Variants in SLC2A9 observed in about 807,000 individuals in gnomAD.
The protein encoded by SLC2A9 is solute carrier family 2 member 9.
SLC2A9 carries 39 observed loss-of-function variants against 50.6 expected under a neutral mutation model. That is an observed-to-expected ratio of 0.77 (90% confidence interval 0.60 to 1.01). The LOEUF (loss-of-function observed/expected upper bound fraction) is 1.01. SLC2A9 is among the 50% of genes least tolerant of loss of function. SLC2A9 has a pLI of 0.00. For missense variants in SLC2A9, 686 were observed against 677.6 expected (o/e 1.01, Z -0.14); for synonymous variants, 324 against 276.9 (o/e 1.17, Z -1.69).
intron 3 of SLC2A9, among the ~76,000 whole-genome samples, chr4:9,988,981 T>C (rs1371660939): frequency 6.6e-6 from 1 of 152,234 alleles, no homozygotes; most frequent in African/African-American, 2.4e-5. Context: ...GTACTTTTCA[T>C]TAAACCCTAG....
intron 10 of SLC2A9, among the ~76,000 whole-genome samples, chr4:9,867,279 C>G (rs367719677): frequency 6.6e-6 from 1 of 152,144 alleles, no homozygotes; most frequent in Non-Finnish European, 1.5e-5. Flanking sequence ...AGAAAGTAGA[C>G]GCAGTGTTTC....
intron 3 of SLC2A9, among the ~76,000 whole-genome samples, chr4:9,995,099 G>C (rs1229576016): frequency 1.3e-5 from 2 of 152,144 alleles, no homozygotes; most frequent in East Asian, 1.9e-4. Flanking sequence ...CTCAGCCACA[G>C]TGCAAGCTAG....
At chr4:9,949,288 G>A (rs115272825) in intron 5 of SLC2A9, among the ~76,000 whole-genome samples, 2,689 of 152,256 alleles carry the variant, frequency 0.018, 70 homozygotes, top group African/African-American at 0.06. Context: ...TTTACTGAAT[G>A]CATGTTGGGG....
intron 5 of SLC2A9, among the ~76,000 whole-genome samples, chr4:9,958,588 T>C (rs1161920083): frequency 1.3e-5 from 2 of 152,200 alleles, no homozygotes; most frequent in African/African-American, 4.8e-5. Flanking sequence ...CATGTATACC[T>C]ATGTAACAAA....
intron 1 of SLC2A9, among the ~76,000 whole-genome samples, chr4:9,773,026 G>T (rs1373927580): frequency 1.3e-5 from 2 of 152,150 alleles, no homozygotes; most frequent in African/African-American, 4.8e-5. Context: ...ATGAACCCAG[G>T]ACTGTCTCGT....
chr4:9,858,993 G>C (rs1242797575), intron 10 of SLC2A9, among the ~76,000 whole-genome samples: 1 of 152,178 alleles, frequency 6.6e-6, no homozygotes, highest in East Asian at 1.9e-4. Flanking sequence ...GAGCTCTTCA[G>C]CTTTTGGACT....
At chr4:10,012,691 C>T (rs1761957119) in intron 2 of SLC2A9, among the ~76,000 whole-genome samples, 1 of 152,110 alleles carries the variant, frequency 6.6e-6, no homozygotes, top group South Asian at 2.1e-4. Flanking sequence ...ACAGGAAAAT[C>T]AAGGGAAGAG....
intron 1 of SLC2A9, among the ~76,000 whole-genome samples, chr4:10,027,796 A>G (rs537766118): frequency 2.7e-4 from 41 of 152,140 alleles, no homozygotes; most frequent in Non-Finnish European, 4.7e-4. Flanking sequence ...TATAATGAAA[A>G]TCAGGGTAAT....
At chr4:9,905,310 A>G (rs1299695977) in intron 8 of SLC2A9, among the ~76,000 whole-genome samples, 3 of 152,236 alleles carry the variant, frequency 2.0e-5, no homozygotes, top group Non-Finnish European at 2.9e-5. Flanking sequence ...CCTCCATTGG[A>G]CTGTGAGCTC....
intron 10 of SLC2A9, among the ~76,000 whole-genome samples, chr4:9,844,551 A>G (rs1728644008): frequency 6.6e-6 from 1 of 152,198 alleles, no homozygotes; most frequent in African/African-American, 2.4e-5. Context: ...TCAAGTGAAA[A>G]GGAATTGAAT....
intron 6 of SLC2A9, among the ~76,000 whole-genome samples, chr4:9,937,345 T>C (rs4447863): frequency 0.59 from 89,546 of 152,012 alleles, 27,618 homozygotes; most frequent in African/African-American, 0.79. Context: ...CATTTATCTC[T>C]GTGGGCCTCT....
At chr4:9,937,095 T>C (rs974438245) in intron 6 of SLC2A9, among the ~76,000 whole-genome samples, 6 of 152,286 alleles carry the variant, frequency 3.9e-5, no homozygotes, top group South Asian at 2.1e-4. Flanking sequence ...TGCACGGGAA[T>C]GGCACCCATC....
At chr4:9,935,457 C>T (rs1356981637) in intron 6 of SLC2A9, among the ~76,000 whole-genome samples, 3 of 152,210 alleles carry the variant, frequency 2.0e-5, no homozygotes, top group South Asian at 2.1e-4. Flanking sequence ...GACACTAGTC[C>T]CTGCCCCTAT....
At chr4:9,830,166 T>C (rs1224786927) in intron 11 of SLC2A9, among the ~76,000 whole-genome samples, 1 of 152,214 alleles carries the variant, frequency 6.6e-6, no homozygotes, top group East Asian at 1.9e-4. Flanking sequence ...ATATACACCA[T>C]GGAATACTAT....
At chr4:9,814,054 C>T (rs765028303) in intron 3 of SLC2A9, among the ~76,000 whole-genome samples, 5 of 152,176 alleles carry the variant, frequency 3.3e-5, no homozygotes, top group African/African-American at 7.2e-5. Flanking sequence ...GCAGGAGAAT[C>T]GCTTGAACCT....
chr4:9,802,905 C>T (rs1721644975), intron 3 of SLC2A9, among the ~76,000 whole-genome samples: 1 of 152,152 alleles, frequency 6.6e-6, no homozygotes, highest in Admixed American at 6.5e-5. Flanking sequence ...AGGAATATTT[C>T]CCAATTGTAC....
chr4:9,968,890 T>A (rs1321268885), intron 5 of SLC2A9, among the ~76,000 whole-genome samples: 1 of 152,192 alleles, frequency 6.6e-6, no homozygotes, highest in East Asian at 1.9e-4. Context: ...AAAGTTTTTT[T>A]AATATCTATA....
chr4:9,860,307 C>T (rs1055635998), intron 10 of SLC2A9, among the ~76,000 whole-genome samples: 19 of 152,224 alleles, frequency 1.2e-4, no homozygotes, highest in African/African-American at 4.6e-4. Context: ...AGCCATCTGG[C>T]ACAGCCTCCT....
intron 1 of SLC2A9, among the ~76,000 whole-genome samples, chr4:10,029,921 C>T (rs1266978440): frequency 1.3e-5 from 2 of 152,080 alleles, no homozygotes; most frequent in East Asian, 3.9e-4. Flanking sequence ...CAGGTGTGAG[C>T]CACCATGGCT....
Sources: gnomAD v4.1 joint callset for allele counts (sites outside exome capture counted in the v4.1 genomes callset) on GRCh38, gnomAD v4.1.1 for gene constraint, MANE v1.5 for transcripts, NCBI Gene and HGNC (gene_info 2026-07-23, HGNC 2026-07-21) for gene names.